PPP4R3B: variants seen among roughly 807,000 people sequenced by gnomAD.
PPP4R3B encodes protein phosphatase 4 regulatory subunit 3B, also known as serine/threonine-protein phosphatase 4 regulatory subunit 3B.
Under a neutral mutation model 95.4 loss-of-function variants are expected in PPP4R3B, and 52 were observed. The observed-to-expected ratio is 0.54, with a 90% CI of 0.44 to 0.69. The LOEUF (loss-of-function observed/expected upper bound fraction) is 0.69, where lower values mean the gene tolerates loss of function less well. PPP4R3B is among the 30% of genes least tolerant of loss of function. The probability of loss-of-function intolerance (pLI) is 0.00; values close to 1 mark genes in which losing one functional copy is unlikely to be tolerated. For missense variants in PPP4R3B, 1,003 were observed against 1,005.9 expected (o/e 1.00, Z 0.04); for synonymous variants, 407 against 343.9 (o/e 1.18, Z -2.03).
Position 55,589,948 on chromosome 2 carries a change from T to A in PPP4R3B, c.922-992A>T, listed in dbSNP as rs991876692. ...AAAAAAATTATATATATATAAAAAA[T>A]ATATATAATTATATATATATTTATA... is the stretch of plus-strand genomic sequence containing the variant. On this transcript the variant is annotated intron_variant, in intron 4 of 16. Coordinates refer to ENST00000616407, the MANE Select transcript of PPP4R3B (RefSeq NM_001122964.3). Among the ~76,000 whole-genome samples the A allele has an allele frequency of 3.4e-4, 45 of 133,588 alleles. 2 individuals are homozygous for A. The highest frequency in any genetic ancestry group is 7.6e-4 in the South Asian group (3 of 3,972). The allele number at this position is 133,588 out of a possible 152,430, so 87.6% of individuals were successfully genotyped here. A position where few individuals can be genotyped will look rare whatever the true frequency, so the allele number is the denominator to read the frequency against.
intron 11 of PPP4R3B, among the ~76,000 whole-genome samples, chr2:55,576,531 A>T (rs1376080271): frequency 6.6e-6 from 1 of 152,234 alleles, no homozygotes; most frequent in Admixed American, 6.5e-5. Context: ...TCACGAGGTC[A>T]GGAGATCGAG....
chr2:55,565,045 T>C lies in PPP4R3B; in HGVS notation c.1936-4A>G. On this transcript the variant is annotated splice_region_variant and splice_polypyrimidine_tract_variant and intron_variant, in intron 13 of 16. Transcript: ENST00000616407. ...CAGTAAGAGACTTGATATCTTCCTGTATAAGCACAAAATTTACATTTAAAA... is the reference window on the plus strand; with the variant it reads ...CAGTAAGAGACTTGATATCTTCCTGCATAAGCACAAAATTTACATTTAAAA... 1 of 1,553,840 alleles carries C rather than the reference T, an allele frequency of 6.4e-7. No homozygotes were observed. The highest frequency in any genetic ancestry group is 1.2e-5 in the South Asian group (1 of 81,784).
At chr2:55,575,843 C>A (rs1688596999) in intron 11 of PPP4R3B, among the ~76,000 whole-genome samples, 1 of 152,136 alleles carries the variant, frequency 6.6e-6, no homozygotes, top group South Asian at 2.1e-4. Context: ...AGATTATATA[C>A]ATAAATATTT....
rs1558943508 is a variant in PPP4R3B at position 55,558,872 on chromosome 2, G to A, written c.2357C>T (p.Thr786Ile). ...CTGAGCCACTACAGATTTACTGTTT[G>A]TTCCATTAGCAGCACTGGCAGAGTG... Reference protein sequence around the residue: ...FSHSASAANGTNSKSVVAQIP... With the variant: ...FSHSASAANGINSKSVVAQIP... The change falls in exon 16 of 17, where the codon ACA becomes ATA. Residue 786 changes from threonine to isoleucine, a missense_variant. By Grantham distance (89) the Thr-to-Ile change is moderately conservative. Around this residue, in one of 3 missense-constraint regions of PPP4R3B, gnomAD observed 229 missense variants for 194.7 expected, o/e 1.18. Coordinates refer to ENST00000616407, the MANE Select transcript of PPP4R3B (RefSeq NM_001122964.3). 1.2e-6 allele frequency: 2 copies of A among 1,614,102 alleles called. No homozygotes were observed. The highest frequency in any genetic ancestry group is 1.7e-6 in the Non-Finnish European group (2 of 1,179,972).
At chr2:55,606,710 C>T (rs546706739) in intron 2 of PPP4R3B, among the ~76,000 whole-genome samples, 1 of 151,164 alleles carries the variant, frequency 6.6e-6, no homozygotes, top group South Asian at 2.1e-4. Flanking sequence ...GTAATCCCAA[C>T]TACTCGGGAG....
intron 7 of PPP4R3B, among the ~76,000 whole-genome samples, chr2:55,582,506 C>G (rs1337178900): frequency 6.6e-6 from 1 of 152,156 alleles, no homozygotes; most frequent in East Asian, 1.9e-4. Context: ...ATCAGATGTT[C>G]AAATTTGTTT....
At chr2:55,605,642 T>C (rs1693267097) in intron 2 of PPP4R3B, among the ~76,000 whole-genome samples, 1 of 152,094 alleles carries the variant, frequency 6.6e-6, no homozygotes, top group Non-Finnish European at 1.5e-5. Flanking sequence ...GTGCGAAGGC[T>C]CACACCTGTA....
chr2:55,575,284 G>A (rs368814296), intron 11 of PPP4R3B, among the ~76,000 whole-genome samples: 27 of 149,970 alleles, frequency 1.8e-4, no homozygotes, highest in African/African-American at 6.6e-4. Context: ...CCATAGAGAG[G>A]GACCTACTGA....
chr2:55,607,974 G>A (rs1693648451), intron 2 of PPP4R3B, among the ~76,000 whole-genome samples: 1 of 152,140 alleles, frequency 6.6e-6, no homozygotes, highest in African/African-American at 2.4e-5. Flanking sequence ...TCTGAATTAA[G>A]GTAACTGAGC....
intron 15 of PPP4R3B, among the ~76,000 whole-genome samples, chr2:55,562,224 C>T (rs537707482): frequency 3.3e-5 from 5 of 152,064 alleles, no homozygotes; most frequent in Non-Finnish European, 5.9e-5. Context: ...GAGTTCAAGA[C>T]CAGCCTGGCC....
At position 55,617,402 on chromosome 2, in the gene PPP4R3B, G is replaced by C. The variant is rs868386722; in HGVS notation, c.-117C>G. On this transcript the variant is annotated 5_prime_UTR_variant, in exon 1 of 17. Coordinates refer to ENST00000616407, the MANE Select transcript of PPP4R3B (RefSeq NM_001122964.3). ...CGGTGGCGGCGGCGGCGGCTTCGGA[G>C]AGGCCCGAATTCACCATGGCTCCAA... 10 of 1,242,088 alleles carry C rather than the reference G, an allele frequency of 8.1e-6. No homozygotes were observed. The highest frequency in any genetic ancestry group is 2.8e-5 in the East Asian group (1 of 35,768). The allele number at this position is 1,242,088 out of a possible 1,614,324, so 76.9% of individuals were successfully genotyped here. A position where few individuals can be genotyped will look rare whatever the true frequency, so the allele number is the denominator to read the frequency against.
intron 4 of PPP4R3B, among the ~76,000 whole-genome samples, chr2:55,595,798 T>A (rs577724965): frequency 8.7e-5 from 13 of 148,722 alleles, no homozygotes; most frequent in Non-Finnish European, 1.5e-4. Flanking sequence ...GAAAACCTCA[T>A]AAATGCCTGT....
chr2:55,554,215 C>T (rs1020228785), intron 16 of PPP4R3B, among the ~76,000 whole-genome samples: 2 of 152,186 alleles, frequency 1.3e-5, no homozygotes, highest in Admixed American at 1.3e-4. Flanking sequence ...CAGGCATGTG[C>T]CACCATGTCC....
rs976653444 is a variant in PPP4R3B, at chr2:55,547,522, T to C, written c.*2389A>G. 4 of 152,194 alleles carry C rather than the reference T, an allele frequency of 2.6e-5. No individual in the cohort carries two copies. Among genetic ancestry groups the C allele is most frequent in the Non-Finnish European group, 5.9e-5 (4 of 68,040 alleles). The allele number at this position is 152,194 out of a possible 1,614,324, so 9.4% of individuals were successfully genotyped here. A position where few individuals can be genotyped will look rare whatever the true frequency, so the allele number is the denominator to read the frequency against. On this transcript the variant is annotated 3_prime_UTR_variant, in exon 17 of 17. Coordinates refer to ENST00000616407, the MANE Select transcript of PPP4R3B (RefSeq NM_001122964.3). ...AGGGATATTTTAAGCCTTGTTCTCT[T>C]ATCGTCGTAGGTAAGCACTTGTACC...
chr2:55,568,454 C>A, intron 12 of PPP4R3B, 91 bp from the exon 13 acceptor site: 1 of 1,023,302 alleles, frequency 9.8e-7, no homozygotes, highest in Non-Finnish European at 1.4e-6. Context: ...AATGTATATG[C>A]TCTTCTAAAA....
chr2:55,580,730 G>T (rs1182552365), intron 8 of PPP4R3B, among the ~76,000 whole-genome samples: 1 of 152,034 alleles, frequency 6.6e-6, no homozygotes, highest in African/African-American at 2.4e-5. Flanking sequence ...AACTTGTAAT[G>T]ATTTAAAAAC....
chr2:55,560,282 T>C (rs1056532581), intron 15 of PPP4R3B, among the ~76,000 whole-genome samples: 1 of 152,198 alleles, frequency 6.6e-6, no homozygotes, highest in Non-Finnish European at 1.5e-5. Flanking sequence ...CTAACAGTGA[T>C]ATGGACAATG....
rs1360775932 is a variant in PPP4R3B at position 55,617,305 on chromosome 2, G to A, written c.-20C>T. 2 of 1,571,678 alleles carry A rather than the reference G, an allele frequency of 1.3e-6. No homozygotes were observed. The highest frequency in any genetic ancestry group is 1.1e-5 in the South Asian group (1 of 87,686). ...CGACATGGTGGCTGCTGTCTCCACCGCTCTAGCCGCCGCCTCCTCGCTTAC... is the reference window on the plus strand; with the variant it reads ...CGACATGGTGGCTGCTGTCTCCACCACTCTAGCCGCCGCCTCCTCGCTTAC... On this transcript the variant is annotated 5_prime_UTR_variant, in exon 1 of 17. Coordinates refer to ENST00000616407, the MANE Select transcript of PPP4R3B (RefSeq NM_001122964.3).
chr2:55,610,228 TG>T (rs976374552), intron 2 of PPP4R3B, among the ~76,000 whole-genome samples: 4 of 152,222 alleles, frequency 2.6e-5, no homozygotes, highest in Admixed American at 6.5e-5. Flanking sequence ...TTTCATTTTT[TG>T]TATCTGAATT....
Sources: gnomAD v4.1 joint callset for allele counts (sites outside exome capture counted in the v4.1 genomes callset) on GRCh38, gnomAD v4.1.1 for gene constraint, gnomAD v4.1.1 regional missense constraint, MANE v1.5 for transcripts, NCBI Gene and HGNC (gene_info 2026-07-23, HGNC 2026-07-21) for gene names.